The following AKT3 variants were observed in gnomAD, a reference collection of about 807,000 sequenced individuals.
AKT3 encodes AKT serine/threonine kinase 3.
A neutral mutation model predicts 65.3 loss-of-function variants in AKT3; 15 were observed. The observed-to-expected ratio is 0.23, with a 90% CI of 0.15 to 0.35. The LOEUF is 0.35. Ranked by LOEUF, AKT3 falls within the 10% of genes least tolerant of loss-of-function variation. AKT3 has a pLI of 1.00. For missense variants in AKT3, 243 were observed against 576.5 expected, an observed-to-expected ratio of 0.42 and a Z score of 5.92; for synonymous variants, 206 against 183.8, an observed-to-expected ratio of 1.12 and a Z score of -0.98.
chr1:243,717,515 A>G (rs896124574), intron 2 of AKT3, among the ~76,000 whole-genome samples: 2 of 152,246 alleles, frequency 1.3e-5, no homozygotes, highest in African/African-American at 4.8e-5. Flanking sequence ...AAAGCACTGT[A>G]TAACTACTAC....
chr1:243,574,064 T>C (rs983319217), intron 8 of AKT3, among the ~76,000 whole-genome samples: 2 of 152,088 alleles, frequency 1.3e-5, no homozygotes, highest in Admixed American at 1.3e-4. Flanking sequence ...GTGAAAAAAA[T>C]GAACCAATCA....
intron 12 of AKT3, among the ~76,000 whole-genome samples, chr1:243,518,701 T>G (rs1365696775): frequency 6.6e-6 from 1 of 152,152 alleles, no homozygotes; most frequent in East Asian, 1.9e-4. Flanking sequence ...AACTTCAGAT[T>G]TCATTACAAA....
At chr1:243,511,897 A>G (rs1670038815) in intron 13 of AKT3, among the ~76,000 whole-genome samples, 1 of 152,224 alleles carries the variant, frequency 6.6e-6, no homozygotes, top group Non-Finnish European at 1.5e-5. Context: ...AAAAGGAGTG[A>G]CTCTACATGA....
In AKT3 at chr1:243,499,814, T is replaced by C; in HGVS notation, c.*5435A>G. The C allele has an allele frequency of 6.2e-7, 1 of 1,605,588 alleles. No homozygotes were observed. Among genetic ancestry groups the C allele is most frequent in the Non-Finnish European group, 8.5e-7 (1 of 1,173,032 alleles). On this transcript the variant is annotated 3_prime_UTR_variant, in exon 14 of 14. Coordinates refer to ENST00000673466, the MANE Select transcript of AKT3 (RefSeq NM_005465.7). ...GGATGGAACAGAGTGAAATAAATGA[T>C]TTACAAAGAGATATTTACATTCATC...
intron 12 of AKT3, among the ~76,000 whole-genome samples, chr1:243,514,668 T>G (rs1229582061): frequency 8.5e-5 from 13 of 152,142 alleles, no homozygotes; most frequent in Admixed American, 8.5e-4. Context: ...ACATTAAGAA[T>G]ATACAACTTG....
At chr1:243,607,916 T>G (rs1170061943) in intron 8 of AKT3, among the ~76,000 whole-genome samples, 1 of 152,202 alleles carries the variant, frequency 6.6e-6, no homozygotes, top group Non-Finnish European at 1.5e-5. Flanking sequence ...TGCTCAGCAC[T>G]TCTTCCTGTC....
Position 243,749,953 on chromosome 1 carries a change from G to A in AKT3, c.47-54237C>T, listed in dbSNP as rs111363885. The stretch of plus-strand genomic sequence containing the variant: ...AAATAATGCTGTAATAATTGCTCTT[G>A]CTTGGCATCTAAAGTGAAGTGATCT... On this transcript the variant is annotated intron_variant, in intron 2 of 13. Coordinates refer to ENST00000673466, the MANE Select transcript of AKT3 (RefSeq NM_005465.7). 5.9e-5 allele frequency among the ~76,000 whole-genome samples: 9 copies of A among 152,238 alleles called. 1 individual carries two copies. The highest frequency in any genetic ancestry group is 2.2e-4 in the African/African-American group (9 of 41,544).
intron 2 of AKT3, among the ~76,000 whole-genome samples, chr1:243,819,571 C>CTT: frequency 6.6e-6 from 1 of 152,220 alleles, no homozygotes; most frequent in East Asian, 1.9e-4. Context: ...TCCCTGCTGG[C>CTT]TCTGAGGAAT....
intron 2 of AKT3, among the ~76,000 whole-genome samples, chr1:243,716,034 A>G (rs1462740411): frequency 6.6e-6 from 1 of 152,184 alleles, no homozygotes; most frequent in Non-Finnish European, 1.5e-5. Context: ...CATTTTGATT[A>G]TATCAATGAC....
At chr1:243,812,157 C>A (rs1457048711) in intron 2 of AKT3, among the ~76,000 whole-genome samples, 4 of 152,082 alleles carry the variant, frequency 2.6e-5, no homozygotes, top group South Asian at 2.1e-4. Context: ...GCAACAAAAG[C>A]CAAAATTAAC....
intron 8 of AKT3, among the ~76,000 whole-genome samples, chr1:243,580,620 C>T (rs777159692): frequency 5.3e-5 from 8 of 152,160 alleles, no homozygotes; most frequent in Admixed American, 4.6e-4. Flanking sequence ...GTGCTTTCCC[C>T]ACTTTCAAGC....
Position 243,585,842 on chromosome 1 carries a change from T to C in AKT3, c.697-12794A>G, listed in dbSNP as rs1233572497. ...GACATTGGCACTGGAAAAAATTATA[T>C]GACTAAGTCCTCGATAGCAATTGAA... On this transcript the variant is annotated intron_variant, in intron 8 of 13. Transcript: ENST00000673466. 2.0e-5 allele frequency among the ~76,000 whole-genome samples: 3 copies of C among 152,290 alleles called. No individual in the cohort carries two copies. In the East Asian group the frequency reaches 5.8e-4, roughly 29 times the overall value.
intron 8 of AKT3, among the ~76,000 whole-genome samples, chr1:243,580,937 C>T (rs191740267): frequency 3.9e-5 from 6 of 152,176 alleles, no homozygotes; most frequent in African/African-American, 1.2e-4. Flanking sequence ...TTCAGAGCAC[C>T]TCCTTGCCTG....
intron 8 of AKT3, among the ~76,000 whole-genome samples, chr1:243,580,038 T>C (rs984558719): frequency 2.0e-5 from 3 of 152,190 alleles, no homozygotes; most frequent in Non-Finnish European, 4.4e-5. Context: ...AATAGACTTT[T>C]TGCTTTTCCC....
chr1:243,627,208 A>G (rs1339071355), intron 6 of AKT3, among the ~76,000 whole-genome samples: 1 of 152,116 alleles, frequency 6.6e-6, no homozygotes, highest in Non-Finnish European at 1.5e-5. Flanking sequence ...AAAGAGACAT[A>G]CTCAGCCAGA....
intron 2 of AKT3, among the ~76,000 whole-genome samples, chr1:243,815,919 A>T (rs1304951817): frequency 2.0e-5 from 3 of 151,974 alleles, no homozygotes; most frequent in Admixed American, 2.0e-4. Flanking sequence ...GCCCTGCTCA[A>T]AATCTCTATT....
rs1694653060 is a variant in AKT3 at position 243,833,258 on chromosome 1, C to A, written c.46+9867G>T. On this transcript the variant is annotated intron_variant, in intron 2 of 13. Coordinates refer to ENST00000673466, the MANE Select transcript of AKT3 (RefSeq NM_005465.7). ...TAGAGCAAGACTCCATATCAAAAAACAAACAAACAAAAAAAACCTGCCAGA... is the reference window on the plus strand; with the variant it reads ...TAGAGCAAGACTCCATATCAAAAAAAAAACAAACAAAAAAAACCTGCCAGA... 2.0e-5 allele frequency among the ~76,000 whole-genome samples: 3 copies of A among 152,036 alleles called. No homozygotes were observed. In the South Asian group the frequency reaches 6.2e-4, roughly 32 times the overall value.
At chr1:243,577,132 C>T (rs939826444) in intron 8 of AKT3, among the ~76,000 whole-genome samples, 1 of 151,882 alleles carries the variant, frequency 6.6e-6, no homozygotes, top group Non-Finnish European at 1.5e-5. Flanking sequence ...TAGGGAAGGA[C>T]ATCCTATTGA....
intron 2 of AKT3, among the ~76,000 whole-genome samples, chr1:243,766,581 T>C (rs1397939534): frequency 6.6e-6 from 1 of 152,064 alleles, no homozygotes; most frequent in Non-Finnish European, 1.5e-5. Flanking sequence ...GGCACAAACA[T>C]AAACAACCCC....
Sources: gnomAD v4.1 joint callset for allele counts (sites outside exome capture counted in the v4.1 genomes callset) on GRCh38, gnomAD v4.1.1 for gene constraint, MANE v1.5 for transcripts, NCBI Gene and HGNC (gene_info 2026-07-23, HGNC 2026-07-21) for gene names.